Variants in CHST9 observed in about 807,000 individuals in gnomAD.
CHST9 encodes carbohydrate sulfotransferase 9.
A neutral mutation model predicts 44.4 loss-of-function variants in CHST9; 41 were observed. The observed-to-expected ratio is 0.92, with a 90% CI of 0.72 to 1.20. The LOEUF is 1.20. CHST9 is among the 50% of genes most tolerant of loss of function. The probability of loss-of-function intolerance (pLI) is 0.00; values close to 1 mark genes in which losing one functional copy is unlikely to be tolerated. For synonymous variants in CHST9, 171 were observed against 178.4 expected, an observed-to-expected ratio of 0.96 and a Z score of 0.33; for missense variants, 504 against 516.5, an observed-to-expected ratio of 0.98 and a Z score of 0.23.
intron 2 of CHST9, among the ~76,000 whole-genome samples, chr18:27,127,172 C>T (rs1477615650): frequency 6.6e-6 from 1 of 151,968 alleles, no homozygotes; most frequent in African/African-American, 2.4e-5. Context: ...TGCAAGGGAT[C>T]AAATTTCTGT....
chr18:26,925,711 T>G (rs2055753811), intron 5 of CHST9: 1 of 152,204 alleles, frequency 6.6e-6, no homozygotes, highest in South Asian at 2.1e-4. Flanking sequence ...ATCTGGAAAA[T>G]GAAGATAATA....
intron 2 of CHST9, among the ~76,000 whole-genome samples, chr18:27,123,644 G>A (rs574262860): frequency 4.6e-4 from 70 of 152,352 alleles, no homozygotes; most frequent in Middle Eastern, 6.8e-3. Context: ...CACCTTATTA[G>A]TTCTTAGAAT....
chr18:26,917,464 T>A (rs1468795429), intron 5 of CHST9, 114 bp from the exon 6 acceptor site: 1 of 1,244,936 alleles, frequency 8.0e-7, no homozygotes, highest in East Asian at 2.3e-5. Context: ...ATATTTCATA[T>A]AAGCTGCCAG....
chr18:26,955,255 A>G (rs1160202126), intron 4 of CHST9, among the ~76,000 whole-genome samples: 4 of 147,918 alleles, frequency 2.7e-5, no homozygotes, highest in Non-Finnish European at 5.9e-5. Context: ...TTACACATCT[A>G]TACCATCATA....
At chr18:27,085,317 A>C (rs1263432244) in intron 2 of CHST9, among the ~76,000 whole-genome samples, 1 of 152,194 alleles carries the variant, frequency 6.6e-6, no homozygotes, top group Non-Finnish European at 1.5e-5. Flanking sequence ...ATAAATGATT[A>C]ACAGAGAAAG....
At chr18:27,071,326 G>C (rs1423266205) in intron 2 of CHST9, among the ~76,000 whole-genome samples, 1 of 152,148 alleles carries the variant, frequency 6.6e-6, no homozygotes, top group African/African-American at 2.4e-5. Context: ...TGTTATAAAG[G>C]TTTCCTTGGC....
chr18:27,036,576 A>G (rs1598659200), intron 3 of CHST9, among the ~76,000 whole-genome samples: 1 of 152,152 alleles, frequency 6.6e-6, no homozygotes, highest in African/African-American at 2.4e-5. Context: ...TCTTAAGATC[A>G]TATTTCTCCC....
chr18:27,038,630 G>A (rs2057414139), intron 3 of CHST9, among the ~76,000 whole-genome samples: 1 of 152,114 alleles, frequency 6.6e-6, no homozygotes, highest in South Asian at 2.1e-4. Flanking sequence ...CTTGCTATGT[G>A]ACTAGCACAA....
At chr18:27,112,094 G>A (rs569831293) in intron 2 of CHST9, among the ~76,000 whole-genome samples, 19 of 147,654 alleles carry the variant, frequency 1.3e-4, no homozygotes, top group South Asian at 4.2e-4. Flanking sequence ...TTACATATGC[G>A]TATAAATATA....
chr18:26,984,280 C>T (rs2056727687), intron 4 of CHST9, among the ~76,000 whole-genome samples: 1 of 152,180 alleles, frequency 6.6e-6, no homozygotes, highest in Non-Finnish European at 1.5e-5. Context: ...AAAGTTCTAA[C>T]TCAAAAGAGA....
chr18:27,079,781 C>T (rs1386080822), intron 2 of CHST9, among the ~76,000 whole-genome samples: 1 of 152,110 alleles, frequency 6.6e-6, no homozygotes, highest in Non-Finnish European at 1.5e-5. Flanking sequence ...TCTGTCCACC[C>T]CGGCCTTCTG....
chr18:26,974,141 A>G (rs1373655039), intron 4 of CHST9, among the ~76,000 whole-genome samples: 2 of 152,242 alleles, frequency 1.3e-5, no homozygotes, highest in Non-Finnish European at 2.9e-5. Flanking sequence ...GACCTATAAC[A>G]ACTCAGGGAG....
At chr18:27,053,253 AAGAAGAAGGAGAAGGAGAAGG>A (rs1568151129) in intron 2 of CHST9, among the ~76,000 whole-genome samples, 17 of 113,030 alleles carry the variant, frequency 1.5e-4, no homozygotes, top group African/African-American at 4.3e-4. Context: ...GAAGAAGAAG[AAGAAGAAGGAGAAGGAGAAGG>A]AGAAGGAGAA....
At chr18:27,152,895 A>G (rs2058669828) in intron 1 of CHST9, among the ~76,000 whole-genome samples, 1 of 152,080 alleles carries the variant, frequency 6.6e-6, no homozygotes, top group Non-Finnish European at 1.5e-5. Flanking sequence ...ATAACTATGG[A>G]TTGGGTAAGT....
chr18:26,924,548 TG>T, intron 5 of CHST9: 1 of 844,388 alleles, frequency 1.2e-6, no homozygotes, highest in Middle Eastern at 6.1e-4. Flanking sequence ...CTCTTAATAA[TG>T]TATCTTTTGT....
chr18:27,015,828 T>C (rs2057146556), intron 4 of CHST9, among the ~76,000 whole-genome samples: 1 of 152,212 alleles, frequency 6.6e-6, no homozygotes, highest in Non-Finnish European at 1.5e-5. Context: ...TGCCTCAGAT[T>C]GATGGTGTCT....
At chr18:26,958,654 TA>T (rs1374184103) in intron 4 of CHST9, among the ~76,000 whole-genome samples, 2 of 151,906 alleles carry the variant, frequency 1.3e-5, no homozygotes, top group Non-Finnish European at 2.9e-5. Context: ...ACAACCTCAT[TA>T]AAAAATGGAC....
intron 2 of CHST9, among the ~76,000 whole-genome samples, chr18:27,129,766 G>A (rs913416388): frequency 3.3e-5 from 5 of 152,100 alleles, no homozygotes; most frequent in Non-Finnish European, 5.9e-5. Context: ...CATTGGTTCT[G>A]TACTTCTGAA....
At chr18:27,139,443 TTGCCTTTAAAAA>T (rs2058545934) in intron 2 of CHST9, among the ~76,000 whole-genome samples, 1 of 151,560 alleles carries the variant, frequency 6.6e-6, no homozygotes, top group Admixed American at 6.6e-5. Context: ...TAAAAAGAGA[TTGCCTTTAAAAA>T]TGCCTAATGC....
Sources: allele counts gnomAD v4.1 joint callset (sites outside exome capture counted in the v4.1 genomes callset), GRCh38; gene constraint gnomAD v4.1.1; transcripts MANE v1.5; gene names NCBI Gene and HGNC (gene_info 2026-07-23, HGNC 2026-07-21).